Variants in LRRTM4 observed in about 807,000 individuals in gnomAD.
LRRTM4 encodes the protein leucine-rich repeat transmembrane neuronal protein 4.
In LRRTM4, 25 loss-of-function variants were observed where a neutral mutation model predicts 47.6. That is an observed-to-expected ratio of 0.53 (90% confidence interval 0.38 to 0.73). The LOEUF (loss-of-function observed/expected upper bound fraction) is 0.73. Ranked by LOEUF, LRRTM4 falls within the 30% of genes least tolerant of loss-of-function variation. LRRTM4 has a pLI of 0.00. For missense variants in LRRTM4, 638 were observed against 713.4 expected, an observed-to-expected ratio of 0.89 and a Z score of 1.20; for synonymous variants, 311 against 269.5, an observed-to-expected ratio of 1.15 and a Z score of -1.51.
At chr2:76,803,310 A>G (rs1038161976) in intron 3 of LRRTM4, among the ~76,000 whole-genome samples, 1 of 152,156 alleles carries the variant, frequency 6.6e-6, no homozygotes, top group Non-Finnish European at 1.5e-5. Context: ...ATTTCTCAAA[A>G]TAAGACAAAC....
At chr2:76,786,861 T>C (rs1487927790) in intron 3 of LRRTM4, among the ~76,000 whole-genome samples, 1 of 124,886 alleles carries the variant, frequency 8.0e-6, no homozygotes, top group Non-Finnish European at 2.0e-5. Context: ...GTTTCTTTTC[T>C]TTGTGCTAAT....
chr2:77,323,005 G>A (rs13402662), intron 3 of LRRTM4, among the ~76,000 whole-genome samples: 24,877 of 151,688 alleles, frequency 0.16, 2,596 homozygotes, highest in East Asian at 0.42. Flanking sequence ...AACATTTATT[G>A]TCTCTCAATA....
intron 3 of LRRTM4, among the ~76,000 whole-genome samples, chr2:76,885,965 C>A (rs1480239582): frequency 6.6e-6 from 1 of 151,958 alleles, no homozygotes; most frequent in African/African-American, 2.4e-5. Flanking sequence ...ACAAAAATAG[C>A]ATACCTCCAG....
intron 3 of LRRTM4, among the ~76,000 whole-genome samples, chr2:76,926,281 A>G (rs1278997677): frequency 6.6e-6 from 1 of 151,970 alleles, no homozygotes; most frequent in East Asian, 1.9e-4. Context: ...ATAAGACTAC[A>G]ATAAATTGTC....
intron 3 of LRRTM4, among the ~76,000 whole-genome samples, chr2:77,028,247 G>T (rs1223366591): frequency 6.6e-6 from 1 of 152,106 alleles, no homozygotes; most frequent in Admixed American, 6.6e-5. Context: ...GTAATGAAAG[G>T]TACATAGATT....
At chr2:77,195,853 G>T (rs1228027083) in intron 3 of LRRTM4, among the ~76,000 whole-genome samples, 1 of 152,072 alleles carries the variant, frequency 6.6e-6, no homozygotes, top group Non-Finnish European at 1.5e-5. Context: ...TGAGTCCCAA[G>T]GTTCAAACAA....
At chr2:77,082,286 AT>A (rs893482954) in intron 3 of LRRTM4, among the ~76,000 whole-genome samples, 20 of 151,708 alleles carry the variant, frequency 1.3e-4, no homozygotes, top group Non-Finnish European at 2.5e-4. Flanking sequence ...TTCACGAACA[AT>A]TTTTTTTACT....
intron 3 of LRRTM4, among the ~76,000 whole-genome samples, chr2:76,835,736 G>A (rs1051683180): frequency 5.9e-5 from 9 of 151,848 alleles, no homozygotes; most frequent in Admixed American, 4.6e-4. Flanking sequence ...CACCTGTCAC[G>A]GTAAGGTCAC....
chr2:76,981,456 A>G (rs1311258395), intron 3 of LRRTM4, among the ~76,000 whole-genome samples: 1 of 152,042 alleles, frequency 6.6e-6, no homozygotes, highest in Admixed American at 6.6e-5. Flanking sequence ...CAGTTGTAGA[A>G]ATTTAACATC....
chr2:77,518,673 A>G lies in LRRTM4; in HGVS notation c.1196T>C (p.Phe399Ser). Residue 399 changes from phenylalanine to serine, a missense_variant, in exon 3 of 4, where the codon TTT becomes TCT. Phe to Ser is a radical substitution (Grantham distance 155). Coordinates refer to ENST00000409884, the MANE Select transcript of LRRTM4 (RefSeq NM_001134745.3). The part of the protein sequence containing the change: ...IFKPDVTQST[F>S]ETPSPSPGFQ... The stretch of plus-strand genomic sequence containing the variant: ...CCCTGGGGAAGGGCTTGGTGTTTCA[A>G]AGGTGGATTGGGTGACGTCAGGTTT... 37 of 1,613,388 alleles carry G rather than the reference A, an allele frequency of 2.3e-5. No homozygotes were observed. The highest frequency in any genetic ancestry group is 3.1e-5 in the Non-Finnish European group (37 of 1,179,604).
At chr2:76,891,082 G>A (rs1198551746) in intron 3 of LRRTM4, among the ~76,000 whole-genome samples, 1 of 151,748 alleles carries the variant, frequency 6.6e-6, no homozygotes, top group Non-Finnish European at 1.5e-5. Flanking sequence ...AGAAAAAGAG[G>A]AAGAATGAAG....
intron 3 of LRRTM4, among the ~76,000 whole-genome samples, chr2:76,832,582 A>T (rs1281582037): frequency 2.0e-5 from 3 of 148,718 alleles, no homozygotes; most frequent in Non-Finnish European, 3.0e-5. Context: ...TAGAGTTTGC[A>T]TTTTCTCAAC....
intron 3 of LRRTM4, among the ~76,000 whole-genome samples, chr2:76,816,436 A>T (rs1415842704): frequency 6.6e-6 from 1 of 152,078 alleles, no homozygotes; most frequent in African/African-American, 2.4e-5. Flanking sequence ...AGAAGAAGAA[A>T]ATAATAGTCA....
chr2:77,039,109 G>A lies in LRRTM4; in HGVS notation c.1552-290193C>T, dbSNP rs531972331. On this transcript the variant is annotated intron_variant, in intron 3 of 3. Transcript: ENST00000409884. ...TTAAAAAATAAATTGATCAAGGGAA[G>A]TAATTAATTTATAAAATGATAAGAA... Among the ~76,000 whole-genome samples, 24 of 151,298 alleles carry A rather than the reference G, an allele frequency of 1.6e-4. 1 individual carries two copies. In the South Asian group the frequency reaches 4.8e-3, roughly 30 times the overall value.
At chr2:77,229,482 C>T (rs17013843) in intron 3 of LRRTM4, among the ~76,000 whole-genome samples, 3,382 of 152,182 alleles carry the variant, frequency 0.022, 137 homozygotes, top group African/African-American at 0.078. Flanking sequence ...CTACCTGTAA[C>T]GTTGCGTCTC....
intron 3 of LRRTM4, among the ~76,000 whole-genome samples, chr2:76,897,351 G>C (rs1199424986): frequency 6.6e-6 from 1 of 152,070 alleles, no homozygotes; most frequent in Non-Finnish European, 1.5e-5. Flanking sequence ...TAAAATAAAA[G>C]TAAGAGCTTG....
chr2:77,114,697 C>G (rs180874972), intron 3 of LRRTM4, among the ~76,000 whole-genome samples: 4 of 152,258 alleles, frequency 2.6e-5, no homozygotes, highest in Non-Finnish European at 5.9e-5. Context: ...AGAAATTTTA[C>G]AGCTGGGCCT....
intron 3 of LRRTM4, among the ~76,000 whole-genome samples, chr2:76,810,854 G>C (rs988893660): frequency 1.3e-5 from 2 of 152,076 alleles, no homozygotes; most frequent in Admixed American, 1.3e-4. Context: ...AAGAGGTTTA[G>C]TTCTAGTTAT....
intron 3 of LRRTM4, among the ~76,000 whole-genome samples, chr2:77,147,236 G>A (rs763300659): frequency 1.3e-5 from 2 of 152,074 alleles, no homozygotes; most frequent in African/African-American, 2.4e-5. Flanking sequence ...AGTGCTCTTC[G>A]CTTAAGGAAG....
Sources: gnomAD v4.1 joint callset for allele counts (sites outside exome capture counted in the v4.1 genomes callset) on GRCh38, gnomAD v4.1.1 for gene constraint, MANE v1.5 for transcripts, NCBI Gene and HGNC (gene_info 2026-07-23, HGNC 2026-07-21) for gene names.